Variants in ITPR2 observed in about 807,000 individuals in gnomAD.
ITPR2 encodes the protein inositol 1,4,5-trisphosphate-gated calcium channel ITPR2.
Under a neutral mutation model 317.1 loss-of-function variants are expected in ITPR2, and 207 were observed. The ratio of observed to expected loss-of-function variants is 0.65; its 90% CI spans 0.58 to 0.73. The LOEUF is 0.73. Among genes scored for constraint, ITPR2 ranks in the 30% least tolerant of loss-of-function variants. The pLI, the probability that ITPR2 is intolerant of heterozygous loss-of-function variation, is 0.00. For synonymous variants in ITPR2, 1,156 were observed against 1,149.1 expected (o/e 1.01, Z -0.12); for missense variants, 2,613 against 3,284.0 (o/e 0.80, Z 4.99).
chr12:26,826,289 A>C (rs1227884004), intron 1 of ITPR2, among the ~76,000 whole-genome samples: 1 of 152,196 alleles, frequency 6.6e-6, no homozygotes, highest in Non-Finnish European at 1.5e-5. Flanking sequence ...AGAACAGCAT[A>C]ATTAAATAAG....
At chr12:26,451,067 G>T (rs1049285132) in intron 45 of ITPR2, among the ~76,000 whole-genome samples, 1 of 152,040 alleles carries the variant, frequency 6.6e-6, no homozygotes, top group Middle Eastern at 3.2e-3. Flanking sequence ...GCAGATTTTG[G>T]TATATAACTG....
At chr12:26,690,830 C>T in intron 10 of ITPR2, among the ~76,000 whole-genome samples, 1 of 152,170 alleles carries the variant, frequency 6.6e-6, no homozygotes, top group East Asian at 1.9e-4. Context: ...AGAGGTCACT[C>T]TGAATTACTC....
At chr12:26,772,936 G>C (rs1412969948) in intron 2 of ITPR2, among the ~76,000 whole-genome samples, 2 of 151,806 alleles carry the variant, frequency 1.3e-5, no homozygotes, top group Admixed American at 6.6e-5. Flanking sequence ...CCCAGTATGT[G>C]ATTTTCCCCT....
At chr12:26,790,618 C>CACACACACACACA (rs1555192764) in intron 1 of ITPR2, among the ~76,000 whole-genome samples, 24 of 150,292 alleles carry the variant, frequency 1.6e-4, no homozygotes, top group Non-Finnish European at 3.5e-4. Flanking sequence ...CACACACACA[C>CACACACACACACA]TTCTACACAT....
intron 45 of ITPR2, among the ~76,000 whole-genome samples, chr12:26,456,107 G>T (rs183380361): frequency 6.6e-6 from 1 of 152,280 alleles, no homozygotes; most frequent in East Asian, 1.9e-4. Context: ...ATGAGACTGA[G>T]ATCTACTGGG....
At chr12:26,724,527 CA>C in intron 4 of ITPR2, 128 bp downstream of exon 4, 2 of 674,522 alleles carry the variant, frequency 3.0e-6, no homozygotes, top group Non-Finnish European at 5.4e-6. Flanking sequence ...CAATACGTCA[CA>C]ACATCGATAA....
chr12:26,706,456 A>T (rs1417005888), intron 9 of ITPR2, among the ~76,000 whole-genome samples: 1 of 152,038 alleles, frequency 6.6e-6, no homozygotes, highest in Non-Finnish European at 1.5e-5. Flanking sequence ...AGTCCTACAT[A>T]TGAAACGAGT....
intron 37 of ITPR2, among the ~76,000 whole-genome samples, chr12:26,503,190 A>AACACACAC (rs57271500): frequency 0.045 from 6,228 of 139,006 alleles, 291 homozygotes; most frequent in African/African-American, 0.11. Context: ...GCCCCCCACC[A>AACACACAC]ACACACACAC....
chr12:26,444,922 T>C (rs150455928), intron 45 of ITPR2, among the ~76,000 whole-genome samples: 129 of 152,306 alleles, frequency 8.5e-4, no homozygotes, highest in African/African-American at 2.7e-3. Flanking sequence ...TTTCCTATTT[T>C]CTATTTACAT....
At chr12:26,733,675 A>C (rs1219890609) in intron 2 of ITPR2, among the ~76,000 whole-genome samples, 1 of 152,198 alleles carries the variant, frequency 6.6e-6, no homozygotes, top group African/African-American at 2.4e-5. Context: ...GTGGGGAGGA[A>C]AAGTAAAATT....
intron 13 of ITPR2, among the ~76,000 whole-genome samples, chr12:26,677,657 TAAATA>T (rs942163084): frequency 1.3e-5 from 2 of 151,982 alleles, no homozygotes; most frequent in African/African-American, 4.8e-5. Context: ...ACCTTAAAAA[TAAATA>T]AAATAGACTA....
intron 1 of ITPR2, among the ~76,000 whole-genome samples, chr12:26,802,596 G>GATATAGATATAGATATATCTAT (rs1565777638): frequency 0.015 from 158 of 10,278 alleles, 1 homozygote; most frequent in South Asian, 0.15. Context: ...TCTATATATA[G>GATATAGATATAGATATATCTAT]ATATAGATAT....
chr12:26,532,993 A>G (rs530195003), intron 37 of ITPR2, among the ~76,000 whole-genome samples: 95 of 152,102 alleles, frequency 6.2e-4, no homozygotes, highest in Middle Eastern at 3.2e-3. Context: ...GCCCAGAATA[A>G]TTCTTTAATT....
intron 48 of ITPR2, among the ~76,000 whole-genome samples, chr12:26,431,085 T>C (rs1027821988): frequency 2.0e-5 from 3 of 152,220 alleles, no homozygotes; most frequent in African/African-American, 2.4e-5. Flanking sequence ...AATACAAAGA[T>C]TGTAAAATCT....
At chr12:26,399,108 A>G (rs1940091048) in intron 53 of ITPR2, 67 bp from the exon 54 acceptor site, 2 of 1,121,386 alleles carry the variant, frequency 1.8e-6, no homozygotes, top group Admixed American at 3.4e-5. Context: ...TAGCATAGAG[A>G]GTATATTCAA....
intron 3 of ITPR2, 51 bp downstream of exon 3, chr12:26,725,599 A>G (rs1191520740): frequency 8.4e-7 from 1 of 1,191,308 alleles, no homozygotes; most frequent in African/African-American, 1.5e-5. Context: ...CATTTTTATT[A>G]TTGCTGTACT....
At chr12:26,523,384 C>T (rs1012559273) in intron 37 of ITPR2, among the ~76,000 whole-genome samples, 9 of 152,310 alleles carry the variant, frequency 5.9e-5, no homozygotes, top group East Asian at 1.9e-4. Flanking sequence ...CACGATTTGA[C>T]ACTTTTTCTC....
chr12:26,636,421 G>T (rs912701154), intron 21 of ITPR2, among the ~76,000 whole-genome samples: 12 of 152,114 alleles, frequency 7.9e-5, no homozygotes, highest in Admixed American at 2.6e-4. Context: ...CTAACACCTG[G>T]AATAGTGTCC....
At chr12:26,485,257 C>T (rs987770510) in intron 41 of ITPR2, among the ~76,000 whole-genome samples, 22 of 152,170 alleles carry the variant, frequency 1.4e-4, no homozygotes, top group African/African-American at 5.3e-4. Flanking sequence ...TATTATTTAA[C>T]GTGTTTATTT....
Sources: gnomAD v4.1 joint callset for allele counts (sites outside exome capture counted in the v4.1 genomes callset) on GRCh38, gnomAD v4.1.1 for gene constraint, MANE v1.5 for transcripts, NCBI Gene and HGNC (gene_info 2026-07-23, HGNC 2026-07-21) for gene names.